Variants in KLF6 observed in about 807,000 individuals in gnomAD.
The protein encoded by KLF6 is Krueppel-like factor 6.
For missense variants in KLF6, 233 were observed against 359.8 expected, an observed-to-expected ratio of 0.65 and a Z score of 2.85; for synonymous variants, 152 against 147.9, an observed-to-expected ratio of 1.03 and a Z score of -0.20.
chr10:3,785,116 C>A lies in KLF6; in HGVS notation c.-102G>T, dbSNP rs768907876. The A allele has an allele frequency of 1.3e-6, 2 of 1,567,664 alleles. No individual in the cohort carries two copies. The highest frequency in any genetic ancestry group is 1.7e-6 in the Non-Finnish European group (2 of 1,158,000). On this transcript the variant is annotated 5_prime_UTR_variant, in exon 1 of 4. Transcript: ENST00000497571. ...CCGGAGCGCAGGTGAAAGTTTCATG[C>A]AAACTCCAGGCTCGCAGAGACGCCC...
At chr10:3,784,783 C>A in intron 1 of KLF6, 130 bp downstream of exon 1, 2 of 827,232 alleles carry the variant, frequency 2.4e-6, no homozygotes, top group Admixed American at 4.0e-5. Flanking sequence ...GGGGGCGCTG[C>A]GCCCGCTCCC....
Position 3,785,111 on chromosome 10 carries a change from T to C in KLF6, c.-97A>G. The C allele has an allele frequency of 6.4e-7, 1 of 1,573,120 alleles. No homozygotes were observed. The highest frequency in any genetic ancestry group is 8.6e-7 in the Non-Finnish European group (1 of 1,160,774). Reference sequence around the variant, plus strand: ...TCTCCCCGGAGCGCAGGTGAAAGTTTCATGCAAACTCCAGGCTCGCAGAGA... The same window carrying C: ...TCTCCCCGGAGCGCAGGTGAAAGTTCCATGCAAACTCCAGGCTCGCAGAGA... On this transcript the variant is annotated 5_prime_UTR_variant, in exon 1 of 4. Transcript: ENST00000497571.
chr10:3,781,437 A>G lies in KLF6; in HGVS notation c.676+204T>C. On this transcript the variant is annotated intron_variant, in intron 2 of 3. Coordinates refer to ENST00000497571, the MANE Select transcript of KLF6 (RefSeq NM_001300.6). This position sits in a 1 kb window ranked among gnomAD's most constrained non-coding sequence, Gnocchi z 5.8. The stretch of plus-strand genomic sequence containing the variant: ...TTGTTTAATCTGAAAATTGTTACAC[A>G]TTTATCCAACTCAAAAGTCCAGTCT... 1.3e-6 allele frequency: 2 copies of G among 1,525,050 alleles called. No individual in the cohort carries two copies. The highest frequency in any genetic ancestry group is 8.8e-7 in the Non-Finnish European group (1 of 1,135,570). The allele number at this position is 1,525,050 out of a possible 1,614,324, so 94.5% of individuals were successfully genotyped here. A position where few individuals can be genotyped will look rare whatever the true frequency, so the allele number is the denominator to read the frequency against.
chr10:3,777,639 G>A lies in KLF6; in HGVS notation c.*1900C>T. On this transcript the variant is annotated 3_prime_UTR_variant, in exon 4 of 4. Coordinates refer to ENST00000497571, the MANE Select transcript of KLF6 (RefSeq NM_001300.6). Reference sequence around the variant, plus strand: ...AAGCCTCTATAAAAGTTAGGTTATGGTTTTCATTTTTACCTCCTTTATGGC... The same window carrying A: ...AAGCCTCTATAAAAGTTAGGTTATGATTTTCATTTTTACCTCCTTTATGGC... 1 of 494,012 alleles carries A rather than the reference G, an allele frequency of 2.0e-6. No individual in the cohort carries two copies. The highest frequency in any genetic ancestry group is 4.0e-6 in the Non-Finnish European group (1 of 251,240). The allele number at this position is 494,012 out of a possible 1,614,324, so 30.6% of individuals were successfully genotyped here. A position where few individuals can be genotyped will look rare whatever the true frequency, so the allele number is the denominator to read the frequency against.
rs1251971839 is a variant in KLF6, at chr10:3,781,917, A to C, written c.400T>G (p.Leu134Val). 2 of 1,614,190 alleles carry C rather than the reference A, an allele frequency of 1.2e-6. No individual in the cohort carries two copies. Among genetic ancestry groups the C allele is most frequent in the Admixed American group, 1.7e-5 (1 of 60,016 alleles). Reference sequence around the variant, plus strand: ...GAGCTCAATTTTCCCGAGCTGACCAAAACTTCGCCAATGGGGTCGGAGGTA... The same window carrying C: ...GAGCTCAATTTTCCCGAGCTGACCACAACTTCGCCAATGGGGTCGGAGGTA... ...KFTSDPIGEV[L>V]VSSGKLSSSV... The change falls in exon 2 of 4, where the codon TTG (leucine) becomes GTG (valine). Residue 134 changes from leucine (L) to valine (V), a missense_variant. Coordinates refer to ENST00000497571, the MANE Select transcript of KLF6 (RefSeq NM_001300.6). The surrounding 1 kb of genome is among the most constrained non-coding windows in gnomAD (Gnocchi z 5.8).
rs1400921418 is a variant in KLF6 at position 3,777,663 on chromosome 10, G to A, written c.*1876C>T. The A allele has an allele frequency of 2.1e-6, 1 of 480,934 alleles. No homozygotes were observed. Among genetic ancestry groups the A allele is most frequent in the South Asian group, 1.6e-5 (1 of 62,972 alleles). 29.8% of individuals were successfully genotyped at this position (480,934 alleles called of 1,614,324 possible). ...GGTTTTCATTTTTACCTCCTTTATG[G>A]CCATTTTGAAATATTTCTTCACAGG... On this transcript the variant is annotated 3_prime_UTR_variant, in exon 4 of 4. Transcript: ENST00000497571.
At position 3,776,255 on chromosome 10, in the gene KLF6, C is replaced by A. The variant is rs1209957184; in HGVS notation, c.*3284G>T. On this transcript the variant is annotated 3_prime_UTR_variant, in exon 4 of 4. Transcript: ENST00000497571. ...GGTGCCTCTGCAATGCATTCCCTGGCTTGAGCAATGGAAGATCAAACCGGC... is the reference window on the plus strand; with the variant it reads ...GGTGCCTCTGCAATGCATTCCCTGGATTGAGCAATGGAAGATCAAACCGGC... 2 of 524,940 alleles carry A rather than the reference C, an allele frequency of 3.8e-6. No homozygotes were observed. The highest frequency in any genetic ancestry group is 3.8e-5 in the African/African-American group (2 of 52,584). The allele number at this position is 524,940 out of a possible 1,614,324, so 32.5% of individuals were successfully genotyped here.
Position 3,777,848 on chromosome 10 carries a change from T to C in KLF6, c.*1691A>G, listed in dbSNP as rs1737821845. 2.1e-6 allele frequency: 1 copy of C among 484,082 alleles called. No homozygotes were observed. Among genetic ancestry groups the C allele is most frequent in the African/African-American group, 2.0e-5 (1 of 50,936 alleles). The allele number at this position is 484,082 out of a possible 1,614,324, so 30.0% of individuals were successfully genotyped here. A position where few individuals can be genotyped will look rare whatever the true frequency, so the allele number is the denominator to read the frequency against. ...CACTTTTTTAAAAAAGTAGTATACT[T>C]TCTGTATTACCAACAGATAGCTAGA... On this transcript the variant is annotated 3_prime_UTR_variant, in exon 4 of 4. Coordinates refer to ENST00000497571, the MANE Select transcript of KLF6 (RefSeq NM_001300.6).
intron 1 of KLF6, 39 bp downstream of exon 1, chr10:3,784,874 C>T (rs535021036): frequency 2.5e-6 from 4 of 1,580,178 alleles, no homozygotes; most frequent in Non-Finnish European, 3.4e-6. Flanking sequence ...CCGGCCCGCG[C>T]CCCGGCGCCC....
Position 3,785,122 on chromosome 10 carries a change from C to G in KLF6, c.-108G>C, listed in dbSNP as rs1157883428. ...CGCAGGTGAAAGTTTCATGCAAACT[C>G]CAGGCTCGCAGAGACGCCCGGCCGG... is the stretch of plus-strand genomic sequence containing the variant. On this transcript the variant is annotated 5_prime_UTR_variant, in exon 1 of 4. Coordinates refer to ENST00000497571, the MANE Select transcript of KLF6 (RefSeq NM_001300.6). 1 of 1,558,648 alleles carries G rather than the reference C, an allele frequency of 6.4e-7. No individual in the cohort carries two copies. The highest frequency in any genetic ancestry group is 2.4e-5 in the East Asian group (1 of 42,090).
intron 3 of KLF6, 45 bp from the exon 4 acceptor site, chr10:3,779,635 C>G: frequency 6.3e-7 from 1 of 1,587,168 alleles, no homozygotes; most frequent in Non-Finnish European, 8.7e-7. Context: ...GGTTCCCATC[C>G]CTTGCCAGTG....
Position 3,779,502 on chromosome 10 carries a change from A to T in KLF6, c.*37T>A. The T allele has an allele frequency of 6.3e-7, 1 of 1,575,360 alleles. No homozygotes were observed. Among genetic ancestry groups the T allele is most frequent in the African/African-American group, 1.3e-5 (1 of 74,342 alleles). On this transcript the variant is annotated 3_prime_UTR_variant, in exon 4 of 4. Transcript: ENST00000497571. ...CTTCCACGGCCGGCTCTCAGCCTGG[A>T]AGCCTTTTAGCCTACAGGATCCACC...
Position 3,782,316 on chromosome 10 carries a change from T to C in KLF6, c.103-102A>G, listed in dbSNP as rs1475012905. On this transcript the variant is annotated intron_variant, in intron 1 of 3. Coordinates refer to ENST00000497571, the MANE Select transcript of KLF6 (RefSeq NM_001300.6). This position sits in a 1 kb window ranked among gnomAD's most constrained non-coding sequence, Gnocchi z 4.3. ...ATGCAAGAATGAAGGACAGATAACA[T>C]TGCTGCCCGGTCACTACAGGGGCAA... 10 of 946,260 alleles carry C rather than the reference T, an allele frequency of 1.1e-5. No homozygotes were observed. The highest frequency in any genetic ancestry group is 2.5e-5 in the East Asian group (1 of 39,810). 58.6% of individuals were successfully genotyped at this position (946,260 alleles called of 1,614,324 possible).
chr10:3,777,180 A>T lies in KLF6; in HGVS notation c.*2359T>A, dbSNP rs918909538. 3.9e-6 allele frequency: 2 copies of T among 514,984 alleles called. No individual in the cohort carries two copies. Among genetic ancestry groups the T allele is most frequent in the Non-Finnish European group, 7.6e-6 (2 of 264,302 alleles). 31.9% of individuals were successfully genotyped at this position (514,984 alleles called of 1,614,324 possible). ...TTAGTCACTGCTCATTTCCAGGAAG[A>T]TCAAACAAAATACCAGCCCAGCCAG... is the stretch of plus-strand genomic sequence containing the variant. On this transcript the variant is annotated 3_prime_UTR_variant, in exon 4 of 4. Coordinates refer to ENST00000497571, the MANE Select transcript of KLF6 (RefSeq NM_001300.6).
At chr10:3,783,192 C>T (rs1832569628) in intron 1 of KLF6, 1 of 152,178 alleles carries the variant, frequency 6.6e-6, no homozygotes. Flanking sequence ...TGGACAGTAC[C>T]CCTTCCCCAG....
chr10:3,785,204 G>C lies in KLF6; in HGVS notation c.-190C>G, dbSNP rs1190048718. 5 of 1,214,950 alleles carry C rather than the reference G, an allele frequency of 4.1e-6. No individual in the cohort carries two copies. Among genetic ancestry groups the C allele is most frequent in the Non-Finnish European group, 5.8e-6 (5 of 859,454 alleles). 75.3% of individuals were successfully genotyped at this position (1,214,950 alleles called of 1,614,324 possible). ...ACACAATATTTGCAAACACCGGACT[G>C]ACTGCAAACGTAACCCCTGCAAAAC... On this transcript the variant is annotated 5_prime_UTR_variant, in exon 1 of 4. Transcript: ENST00000497571.
In KLF6 at chr10:3,776,051, T is replaced by G. The variant is rs979802623; in HGVS notation, c.*3488A>C. On this transcript the variant is annotated 3_prime_UTR_variant, in exon 4 of 4. Transcript: ENST00000497571. Reference sequence around the variant, plus strand: ...CTCCTTGACTGAGAGTGGGCTGAGGTTGTGAGAACAGCCCTCTGGCCTGGA... The same window carrying G: ...CTCCTTGACTGAGAGTGGGCTGAGGGTGTGAGAACAGCCCTCTGGCCTGGA... 1 of 513,916 alleles carries G rather than the reference T, an allele frequency of 1.9e-6. No homozygotes were observed. The highest frequency in any genetic ancestry group is 3.8e-6 in the Non-Finnish European group (1 of 260,894). The allele number at this position is 513,916 out of a possible 1,614,324, so 31.8% of individuals were successfully genotyped here.
Position 3,778,356 on chromosome 10 carries a change from A to G in KLF6, c.*1183T>C, listed in dbSNP as rs1477357973. The G allele has an allele frequency of 1.3e-5, 7 of 524,634 alleles. No individual in the cohort carries two copies. The highest frequency in any genetic ancestry group is 1.9e-5 in the African/African-American group (1 of 53,278). 32.5% of individuals were successfully genotyped at this position (524,634 alleles called of 1,614,324 possible). ...CCAGAAATTAGTCCTCAAGGCATAA[A>G]TAAGAGAAACATAGCTGCATGAGAA... On this transcript the variant is annotated 3_prime_UTR_variant, in exon 4 of 4. Coordinates refer to ENST00000497571, the MANE Select transcript of KLF6 (RefSeq NM_001300.6).
rs1203195367 is a variant in KLF6 at position 3,778,150 on chromosome 10, T to C, written c.*1389A>G. 5 of 520,490 alleles carry C rather than the reference T, an allele frequency of 9.6e-6. No homozygotes were observed. Among genetic ancestry groups the C allele is most frequent in the Non-Finnish European group, 1.9e-5 (5 of 267,586 alleles). The allele number at this position is 520,490 out of a possible 1,614,324, so 32.2% of individuals were successfully genotyped here. A position where few individuals can be genotyped will look rare whatever the true frequency, so the allele number is the denominator to read the frequency against. On this transcript the variant is annotated 3_prime_UTR_variant, in exon 4 of 4. Transcript: ENST00000497571. ...AAGGGAGTTTCACTCTATGTCTTTG[T>C]GAAGGAGGACCTTAAAGAGATTTTT...
Sources: gnomAD v4.1 joint callset for allele counts on GRCh38, gnomAD v4.1.1 for gene constraint, Gnocchi (gnomAD v3.1) non-coding constraint, MANE v1.5 for transcripts, NCBI Gene and HGNC (gene_info 2026-07-23, HGNC 2026-07-21) for gene names.